Variants in C5orf47 observed in about 807,000 individuals in gnomAD.
C5orf47 encodes the protein chromosome 5 open reading frame 47.
A neutral mutation model predicts 20.6 loss-of-function variants in C5orf47; 20 were observed. That is an observed-to-expected ratio of 0.97 (90% CI 0.68 to 1.41). The LOEUF (loss-of-function observed/expected upper bound fraction) is 1.41, where lower values mean the gene tolerates loss of function less well. Among genes scored for constraint, C5orf47 ranks in the 40% most tolerant of loss-of-function variants. The pLI is 0.00. For synonymous variants in C5orf47, 106 were observed against 97.3 expected (o/e 1.09, Z -0.53); for missense variants, 262 against 238.4 (o/e 1.10, Z -0.65).
intron 1 of C5orf47, among the ~76,000 whole-genome samples, chr5:173,991,065 C>CTAAT (rs1758988349): frequency 6.6e-6 from 1 of 152,152 alleles, no homozygotes; most frequent in Non-Finnish European, 1.5e-5. Flanking sequence ...TAACCAAGTA[C>CTAAT]TAATCTGTTT....
At chr5:173,997,241 T>C (rs923377853) in intron 1 of C5orf47, among the ~76,000 whole-genome samples, 2 of 151,872 alleles carry the variant, frequency 1.3e-5, no homozygotes, top group African/African-American at 2.4e-5. Flanking sequence ...AAGTGAGAGA[T>C]AGAGTGGTGG....
At chr5:173,989,691 C>G in intron 1 of C5orf47, 103 bp downstream of exon 1, 3 of 1,069,962 alleles carry the variant, frequency 2.8e-6, no homozygotes, top group South Asian at 4.5e-5. Context: ...AGGCTGGGGG[C>G]AGCTTTCCTG....
chr5:173,989,557 T>A lies in C5orf47; in HGVS notation c.294T>A (p.Val98=). 6.6e-7 allele frequency: 1 copy of A among 1,504,038 alleles called. No homozygotes were observed. Among genetic ancestry groups the A allele is most frequent in the Non-Finnish European group, 8.9e-7 (1 of 1,126,256 alleles). 93.2% of individuals were successfully genotyped at this position (1,504,038 alleles called of 1,614,324 possible). The change falls in exon 1 of 5, where the codon GTT becomes GTA. Residue 98 remains valine, a synonymous_variant. Transcript: ENST00000340147. ...CCTCCCAGCTGCGGGCATCGAGAGT[T>A]CAGAGCGGCACCAGACAGTCGGCGC... ...SASSQLRASR[V]QSGTRQSARA...
At chr5:174,007,093 C>T (rs1759304253), downstream of C5orf47, among the ~76,000 whole-genome samples, 1 of 152,040 alleles carries the variant, frequency 6.6e-6, no homozygotes, top group South Asian at 2.1e-4. Context: ...TACTCAATAG[C>T]CATCTCCCCA....
At chr5:173,998,961 A>AC (rs1759147841) in intron 2 of C5orf47, among the ~76,000 whole-genome samples, 1 of 152,176 alleles carries the variant, frequency 6.6e-6, no homozygotes. Flanking sequence ...TAATTTTCCC[A>AC]CTGTACTAAG....
Position 173,989,597 on chromosome 5 carries a change from G to T in C5orf47, c.325+9G>T. 7.0e-7 allele frequency: 1 copy of T among 1,425,132 alleles called. No individual in the cohort carries two copies. Among genetic ancestry groups the T allele is most frequent in the Non-Finnish European group, 9.2e-7 (1 of 1,091,920 alleles). 88.3% of individuals were successfully genotyped at this position (1,425,132 alleles called of 1,614,324 possible). On this transcript the variant is annotated intron_variant, in intron 1 of 4. Transcript: ENST00000340147. Reference sequence around the variant, plus strand: ...ACAGTCGGCGCGTGCAGGTGGTGCAGCGGGGCAGGGCGGGACCGGGCGCGG... The same window carrying T: ...ACAGTCGGCGCGTGCAGGTGGTGCATCGGGGCAGGGCGGGACCGGGCGCGG...
intron 1 of C5orf47, 140 bp downstream of exon 1, chr5:173,989,728 G>T: frequency 1.3e-6 from 1 of 751,252 alleles, no homozygotes; most frequent in Non-Finnish European, 1.9e-6. Context: ...GCACGCGCAG[G>T]GGCGAAGGAG....
intron 1 of C5orf47, among the ~76,000 whole-genome samples, chr5:173,996,215 C>A (rs905440406): frequency 6.6e-6 from 1 of 152,004 alleles, no homozygotes; most frequent in African/African-American, 2.4e-5. Context: ...TCAGTGATGA[C>A]AGTGATTAGG....
At chr5:174,008,361 G>A (rs190485851), downstream of C5orf47, among the ~76,000 whole-genome samples, 3 of 152,352 alleles carry the variant, frequency 2.0e-5, no homozygotes, top group African/African-American at 4.8e-5. Context: ...GTTCCAGGCT[G>A]TGGTGTAAGC....
At position 173,989,225 on chromosome 5, in the gene C5orf47, T is replaced by C. The variant is rs1758925712; in HGVS notation, c.-39T>C. On this transcript the variant is annotated 5_prime_UTR_variant, in exon 1 of 5. Transcript: ENST00000340147. ...GGGCAGTCTGGCGCCTGTGGCGTCG[T>C]GTTTGCTGAGGGCCCGGCTGCCGTT... 5 of 1,362,458 alleles carry C rather than the reference T, an allele frequency of 3.7e-6. No individual in the cohort carries two copies. Among genetic ancestry groups the C allele is most frequent in the African/African-American group, 3.1e-5 (2 of 65,364 alleles). The allele number at this position is 1,362,458 out of a possible 1,614,324, so 84.4% of individuals were successfully genotyped here.
Position 173,989,384 on chromosome 5 carries a change from T to C in C5orf47, c.121T>C (p.Trp41Arg). 1 of 1,537,844 alleles carries C rather than the reference T, an allele frequency of 6.5e-7. No homozygotes were observed. Among genetic ancestry groups the C allele is most frequent in the East Asian group, 2.5e-5 (1 of 40,416 alleles). Residue 41 changes from tryptophan to arginine, a missense_variant, in exon 1 of 5, where the codon TGG (tryptophan) becomes CGG (arginine). Transcript: ENST00000340147. ...QLGGRGAQGL[W>R]GQGPGAGCRQ... ...GGGCGGCCGTGGAGCTCAAGGCCTT[T>C]GGGGTCAGGGGCCTGGGGCAGGCTG...
chr5:174,006,049 A>C lies in C5orf47; in HGVS notation c.*1795A>C, dbSNP rs539790500. The C allele has an allele frequency of 1.3e-5, 2 of 152,498 alleles. No homozygotes were observed. Among genetic ancestry groups the C allele is most frequent in the East Asian group, 3.7e-4 (2 of 5,334 alleles). 9.4% of individuals were successfully genotyped at this position (152,498 alleles called of 1,614,324 possible). ...CTTTTCTTTACTGATACATCACTGA[A>C]CATAAGCTGCAATACTTTAACTTAT... is the stretch of plus-strand genomic sequence containing the variant. On this transcript the variant is annotated 3_prime_UTR_variant, in exon 5 of 5. Coordinates refer to ENST00000340147, the MANE Select transcript of C5orf47 (RefSeq NM_001144954.2).
chr5:173,996,898 A>G (rs147583488), intron 1 of C5orf47, among the ~76,000 whole-genome samples: 1 of 152,288 alleles, frequency 6.6e-6, no homozygotes, highest in Non-Finnish European at 1.5e-5. Context: ...ATGTAATCAG[A>G]ATATTGAAAA....
At chr5:173,992,399 C>A (rs958780176) in intron 1 of C5orf47, among the ~76,000 whole-genome samples, 2 of 148,624 alleles carry the variant, frequency 1.3e-5, no homozygotes, top group Non-Finnish European at 3.0e-5. Context: ...AGAGTGAGAA[C>A]CTGTCTCTAA....
At chr5:174,008,072 TC>T (rs1368642432), downstream of C5orf47, among the ~76,000 whole-genome samples, 1 of 152,230 alleles carries the variant, frequency 6.6e-6, no homozygotes, top group Non-Finnish European at 1.5e-5. Flanking sequence ...GCCTGGATTT[TC>T]AGTGAAGATT....
chr5:174,001,318 A>T lies in C5orf47; in HGVS notation c.*16+87A>T, dbSNP rs181186395. On this transcript the variant is annotated intron_variant, in intron 4 of 4. Coordinates refer to ENST00000340147, the MANE Select transcript of C5orf47 (RefSeq NM_001144954.2). The stretch of plus-strand genomic sequence containing the variant: ...CTCCCTTCTCCAAACATTAGTGTAT[A>T]ACCAATCATTGCTAATTCCAGCCTA... The T allele has an allele frequency of 1.7e-3, 1,253 of 739,494 alleles. 5 individuals carry two copies. In the African/African-American group the frequency reaches 0.019, roughly 11 times the overall value. 45.8% of individuals were successfully genotyped at this position (739,494 alleles called of 1,614,324 possible). A position where few individuals can be genotyped will look rare whatever the true frequency, so the allele number is the denominator to read the frequency against.
downstream of C5orf47, among the ~76,000 whole-genome samples, chr5:174,008,893 A>G (rs1032358865): frequency 1.1e-4 from 16 of 151,820 alleles, no homozygotes; most frequent in African/African-American, 3.6e-4. Context: ...AGACAGATTT[A>G]TTGGTCTTGA....
chr5:174,007,775 G>T (rs1323123038), downstream of C5orf47, among the ~76,000 whole-genome samples: 5 of 151,952 alleles, frequency 3.3e-5, no homozygotes, highest in Admixed American at 3.3e-4. Context: ...AGCCAGGCTG[G>T]TCTCAAACTC....
chr5:173,992,102 G>A (rs1334071078), intron 1 of C5orf47, among the ~76,000 whole-genome samples: 1 of 152,086 alleles, frequency 6.6e-6, no homozygotes, highest in African/African-American at 2.4e-5. Context: ...CTGCAAAGTA[G>A]TGTCTTATGA....
Sources: gnomAD v4.1 joint callset for allele counts (sites outside exome capture counted in the v4.1 genomes callset) on GRCh38, gnomAD v4.1.1 for gene constraint, MANE v1.5 for transcripts, NCBI Gene and HGNC (gene_info 2026-07-23, HGNC 2026-07-21) for gene names.